The following HDGFL3 variants were observed in gnomAD, a reference collection of about 807,000 sequenced individuals.
The protein encoded by HDGFL3 is HDGF like 3, also known as hepatoma-derived growth factor-related protein 3.
In HDGFL3, 6 loss-of-function variants were observed where a neutral mutation model predicts 27.6. The ratio of observed to expected loss-of-function variants is 0.22; its 90% CI spans 0.12 to 0.43. The LOEUF (loss-of-function observed/expected upper bound fraction) is 0.43. HDGFL3 is among the 20% of genes least tolerant of loss of function. HDGFL3 has a pLI of 1.00. For synonymous variants in HDGFL3, 88 were observed against 88.9 expected (o/e 0.99, Z 0.05); for missense variants, 207 against 250.1 (o/e 0.83, Z 1.16).
chr15:83,186,366 T>C (rs1406881495), intron 1 of HDGFL3, among the ~76,000 whole-genome samples: 1 of 152,216 alleles, frequency 6.6e-6, no homozygotes, highest in African/African-American at 2.4e-5. Flanking sequence ...ATCGCTCAAC[T>C]GAACACTACT....
Position 83,129,512 on chromosome 15 carries a change from TGAG to T in HDGFL3, c.*9755_*9757del, listed in dbSNP as rs2036055874. 1 of 152,174 alleles carries T rather than the reference TGAG, an allele frequency of 6.6e-6. No individual in the cohort carries two copies. Among genetic ancestry groups the T allele is most frequent in the Admixed American group, 6.5e-5 (1 of 15,278 alleles). The allele number at this position is 152,174 out of a possible 1,614,324, so 9.4% of individuals were successfully genotyped here. On this transcript the variant is annotated 3_prime_UTR_variant, in exon 6 of 6. Transcript: ENST00000299633. ...TGGGAAAAAAACCCCAATTTAAAGA[TGAG>T]GAGGCTGAGGCTCAGTCCACCTGAA...
At chr15:83,149,302 C>G (rs2036935879) in intron 5 of HDGFL3, among the ~76,000 whole-genome samples, 1 of 152,144 alleles carries the variant, frequency 6.6e-6, no homozygotes, top group Admixed American at 6.5e-5. Flanking sequence ...AAGGTGCTTT[C>G]AAGAAGAAAT....
In HDGFL3 at chr15:83,137,938, C is replaced by G. The variant is rs2036685190; in HGVS notation, c.*1332G>C. The G allele has an allele frequency of 6.6e-6, 1 of 151,626 alleles. No homozygotes were observed. The highest frequency in any genetic ancestry group is 2.1e-4 in the South Asian group (1 of 4,818). 9.4% of individuals were successfully genotyped at this position (151,626 alleles called of 1,614,324 possible). ...GGTAAATATGTAAGTGTAAGCAAAT[C>G]ATGTAGTCATCTCCCCATCATCCCC... On this transcript the variant is annotated 3_prime_UTR_variant, in exon 6 of 6. Coordinates refer to ENST00000299633, the MANE Select transcript of HDGFL3 (RefSeq NM_016073.4).
At position 83,180,643 on chromosome 15, in the gene HDGFL3, A is replaced by ATTTT. The variant is rs34952033; in HGVS notation, c.85-16572_85-16569dup. Reference sequence around the variant, plus strand: ...GGTTTAATAAACATGTAACTTATCAATTTTTTTTTTTTTTTTTTTTGAGAC... The same window carrying ATTTT: ...GGTTTAATAAACATGTAACTTATCAATTTTTTTTTTTTTTTTTTTTTTTTGAGAC... On this transcript the variant is annotated intron_variant, in intron 1 of 5. Coordinates refer to ENST00000299633, the MANE Select transcript of HDGFL3 (RefSeq NM_016073.4). Among the ~76,000 whole-genome samples the ATTTT allele has an allele frequency of 2.1e-4, 27 of 126,366 alleles. 1 individual carries two copies. The South Asian group carries it at 4.7e-3, about 22-fold the overall frequency. 82.9% of individuals were successfully genotyped at this position (126,366 alleles called of 152,430 possible).
At chr15:83,156,286 C>T (rs1366157060) in intron 4 of HDGFL3, among the ~76,000 whole-genome samples, 1 of 152,170 alleles carries the variant, frequency 6.6e-6, no homozygotes, top group East Asian at 1.9e-4. Context: ...CCTGGCCACC[C>T]TATCTAAAAT....
chr15:83,118,278 A>G (rs2034886569), intron 3 of HDGFL3, among the ~76,000 whole-genome samples: 1 of 151,462 alleles, frequency 6.6e-6, no homozygotes, highest in Non-Finnish European at 1.5e-5. Context: ...CAGAGAGAGC[A>G]AGAGAGAGAG....
exon 4 of HDGFL3, chr15:83,113,088 C>T: frequency 1.5e-5 from 9 of 601,210 alleles, no homozygotes; most frequent in Non-Finnish European, 2.7e-5. Context: ...TGGACTCCAC[C>T]CTCTCCCAGG....
rs1050950612 is a variant in HDGFL3, at chr15:83,134,781, G to A, written c.*4489C>T. On this transcript the variant is annotated 3_prime_UTR_variant, in exon 6 of 6. Transcript: ENST00000299633. ...TTTCTGAGAACCAGGGATCAAATGTGGCTTCCAGTCCAGAGAAAATGCTTG... is the reference window on the plus strand; with the variant it reads ...TTTCTGAGAACCAGGGATCAAATGTAGCTTCCAGTCCAGAGAAAATGCTTG... 5 of 152,218 alleles carry A rather than the reference G, an allele frequency of 3.3e-5. No homozygotes were observed. The highest frequency in any genetic ancestry group is 1.2e-4 in the African/African-American group (5 of 41,442). 9.4% of individuals were successfully genotyped at this position (152,218 alleles called of 1,614,324 possible).
chr15:83,186,187 A>G (rs1196703414), intron 1 of HDGFL3: 1 of 152,250 alleles, frequency 6.6e-6, no homozygotes, highest in East Asian at 1.9e-4. Flanking sequence ...AAACACAGAA[A>G]TCGTGACTAA....
intron 3 of HDGFL3, among the ~76,000 whole-genome samples, chr15:83,119,391 A>G (rs1011998415): frequency 1.3e-5 from 2 of 152,178 alleles, no homozygotes; most frequent in African/African-American, 4.8e-5. Flanking sequence ...CTGTGGCCAG[A>G]CCCTGGTTTT....
intron 1 of HDGFL3, among the ~76,000 whole-genome samples, chr15:83,191,407 T>C (rs1253776421): frequency 6.6e-6 from 1 of 152,196 alleles, no homozygotes; most frequent in African/African-American, 2.4e-5. Flanking sequence ...TAAGAAGGCC[T>C]AAATAAATAT....
chr15:83,180,506 T>G (rs1303125592), intron 1 of HDGFL3, among the ~76,000 whole-genome samples: 2 of 151,766 alleles, frequency 1.3e-5, no homozygotes, highest in East Asian at 3.9e-4. Flanking sequence ...TAAAGAGAAG[T>G]CTGCAAATCA....
chr15:83,179,586 G>T (rs1188091692), intron 1 of HDGFL3, among the ~76,000 whole-genome samples: 1 of 152,294 alleles, frequency 6.6e-6, no homozygotes, highest in East Asian at 1.9e-4. Flanking sequence ...CTCTTCTCTC[G>T]AAAGTGCTCA....
intron 4 of HDGFL3, among the ~76,000 whole-genome samples, chr15:83,153,051 G>A (rs1280123329): frequency 2.8e-5 from 4 of 145,170 alleles, no homozygotes; most frequent in African/African-American, 1.0e-4. Context: ...CTGGAGTGCC[G>A]TGGGGCTATC....
intron 1 of HDGFL3, among the ~76,000 whole-genome samples, chr15:83,168,013 A>G (rs1258699359): frequency 1.3e-5 from 2 of 152,334 alleles, no homozygotes; most frequent in East Asian, 3.9e-4. Context: ...GATCTCTCAA[A>G]ATCACAAATT....
intron 5 of HDGFL3, among the ~76,000 whole-genome samples, chr15:83,139,737 T>G (rs1264987807): frequency 6.6e-6 from 1 of 152,172 alleles, no homozygotes; most frequent in Non-Finnish European, 1.5e-5. Context: ...TTGTGACACA[T>G]AGCTCAAACA....
intron 3 of HDGFL3, chr15:83,122,718 G>A: frequency 6.2e-7 from 1 of 1,605,546 alleles, no homozygotes; most frequent in Non-Finnish European, 8.5e-7. Context: ...TGTTAGATAT[G>A]CTTTTGGTAA....
rs188455856 is a variant in HDGFL3, at chr15:83,119,152, C to T, written c.394-3411G>A. ...GTGCCATGCCCAGCCCAGCAAGCCA[C>T]GGGATCAGCATGAATTATTAAGGCC... On this transcript the variant is annotated intron_variant, in intron 3 of 3. Coordinates refer to the HDGFL3 transcript ENST00000568294. Among the ~76,000 whole-genome samples the T allele has an allele frequency of 3.4e-4, 52 of 152,286 alleles. No individual in the cohort carries two copies. The South Asian group carries it at 3.7e-3, about 11-fold the overall frequency.
chr15:83,144,593 A>G (rs2036853950), intron 5 of HDGFL3: 1 of 453,250 alleles, frequency 2.2e-6, no homozygotes, highest in South Asian at 1.6e-5. Flanking sequence ...CCTCTGGGAA[A>G]CAACTCATGA....
Sources: gnomAD v4.1 joint callset for allele counts (sites outside exome capture counted in the v4.1 genomes callset) on GRCh38, gnomAD v4.1.1 for gene constraint, MANE v1.5 for transcripts, NCBI Gene and HGNC (gene_info 2026-07-23, HGNC 2026-07-21) for gene names.